The following TLE3 variants were observed in gnomAD, a reference collection of about 807,000 sequenced individuals.
TLE3 encodes transducin-like enhancer protein 3.
Under a neutral mutation model 93.0 loss-of-function variants are expected in TLE3, and 14 were observed. The ratio of observed to expected loss-of-function variants is 0.15; its 90% CI spans 0.10 to 0.24. The LOEUF (loss-of-function observed/expected upper bound fraction) is 0.24, where lower values mean the gene tolerates loss of function less well. TLE3 is among the 10% of genes least tolerant of loss of function. The pLI is 1.00. For missense variants in TLE3, 693 were observed against 1,046.6 expected, an observed-to-expected ratio of 0.66 and a Z score of 4.66; for synonymous variants, 451 against 425.0, an observed-to-expected ratio of 1.06 and a Z score of -0.75.
intron 6 of TLE3, among the ~76,000 whole-genome samples, chr15:70,068,432 G>A (rs577737129): frequency 2.6e-5 from 4 of 152,312 alleles, no homozygotes; most frequent in South Asian, 4.1e-4. Context: ...GTTTTAAAAT[G>A]AGTCTCCAGT....
chr15:70,058,616 G>A lies in TLE3; in HGVS notation c.918+47C>T. 1 of 1,532,944 alleles carries A rather than the reference G, an allele frequency of 6.5e-7. No homozygotes were observed. Among genetic ancestry groups the A allele is most frequent in the Non-Finnish European group, 8.8e-7 (1 of 1,139,560 alleles). The allele number at this position is 1,532,944 out of a possible 1,614,324, so 95.0% of individuals were successfully genotyped here. A position where few individuals can be genotyped will look rare whatever the true frequency, so the allele number is the denominator to read the frequency against. ...GCCAATCGGCACCACCCCAGCTCCA[G>A]TCCCTGCCGCTCCCTTCCCACTCCC... is the stretch of plus-strand genomic sequence containing the variant. On this transcript the variant is annotated intron_variant, in intron 11 of 19. Coordinates refer to ENST00000451782, the MANE Select transcript of TLE3 (RefSeq NM_001105192.3). The surrounding 1 kb of genome is among the most constrained non-coding windows in gnomAD (Gnocchi z 4.1).
Position 70,097,553 on chromosome 15 carries a change from G to A in TLE3, c.-755C>T, listed in dbSNP as rs1189286518. The A allele has an allele frequency of 5.0e-6, 2 of 399,640 alleles. No individual in the cohort carries two copies. The highest frequency in any genetic ancestry group is 2.1e-5 in the African/African-American group (1 of 48,626). The allele number at this position is 399,640 out of a possible 1,614,324, so 24.8% of individuals were successfully genotyped here. On this transcript the variant is annotated 5_prime_UTR_variant, in exon 1 of 20. Transcript: ENST00000451782. ...AACGCCCTGGCATCCTAAGTCCAGC[G>A]GGCACGGGAAGCCTCCGCAAAGGGT...
At chr15:70,062,930 TC>T (rs2056586367) in intron 8 of TLE3, among the ~76,000 whole-genome samples, 1 of 152,160 alleles carries the variant, frequency 6.6e-6, no homozygotes, top group Non-Finnish European at 1.5e-5. Context: ...TCTTGGGGGT[TC>T]CCAGGGGGGG....
rs571999304 is a variant in TLE3 at position 70,065,867 on chromosome 15, T to C, written c.577+147A>G. 7.0e-6 allele frequency: 6 copies of C among 855,998 alleles called. No individual in the cohort carries two copies. The South Asian group carries it at 1.0e-4, about 15-fold the overall frequency. 53.0% of individuals were successfully genotyped at this position (855,998 alleles called of 1,614,324 possible). ...GGGATGCGGATGGCATTGGCTTCCC[T>C]GCACCAGGTATCAACAGATGACTCC... On this transcript the variant is annotated intron_variant, in intron 7 of 19. Coordinates refer to ENST00000451782, the MANE Select transcript of TLE3 (RefSeq NM_001105192.3).
chr15:70,061,221 G>A (rs2056453809), intron 8 of TLE3, among the ~76,000 whole-genome samples: 1 of 152,122 alleles, frequency 6.6e-6, no homozygotes, highest in Admixed American at 6.5e-5. Flanking sequence ...CCTCCACGGT[G>A]AGGCTGTCAG....
rs577289858 is a variant in TLE3 at position 70,049,990 on chromosome 15, G to C, written c.*107C>G. The C allele has an allele frequency of 2.2e-6, 2 of 904,638 alleles. No homozygotes were observed. Among genetic ancestry groups the C allele is most frequent in the African/African-American group, 3.3e-5 (2 of 60,876 alleles). The allele number at this position is 904,638 out of a possible 1,614,324, so 56.0% of individuals were successfully genotyped here. On this transcript the variant is annotated 3_prime_UTR_variant, in exon 20 of 20. Transcript: ENST00000451782. ...GGAGCGCAGCCCTGAACGCTCGGCT[G>C]CCTGCGGCCCATCCTCCGCCATCCT...
intron 4 of TLE3, among the ~76,000 whole-genome samples, chr15:70,084,254 T>C (rs1298733873): frequency 1.3e-5 from 2 of 152,192 alleles, no homozygotes; most frequent in Non-Finnish European, 2.9e-5. Context: ...CAATAGTAAT[T>C]GTTTCCCCCA....
chr15:70,070,895 A>G (rs1434060013), intron 6 of TLE3, among the ~76,000 whole-genome samples: 1 of 152,142 alleles, frequency 6.6e-6, no homozygotes, highest in African/African-American at 2.4e-5. Context: ...GTATTTTGTG[A>G]CAAGCTACAA....
rs372285061 is a variant in TLE3, at chr15:70,080,988, G to A, written c.235-4830C>T. 2.0e-5 allele frequency among the ~76,000 whole-genome samples: 3 copies of A among 152,136 alleles called. No individual in the cohort carries two copies. In the East Asian group the frequency reaches 5.8e-4, roughly 29 times the overall value. The stretch of plus-strand genomic sequence containing the variant: ...CTAGTTAGTTTTAAACTGCCCTGTC[G>A]TGTGTACCTGTGGACTCTGAATGCA... On this transcript the variant is annotated intron_variant, in intron 4 of 19. Coordinates refer to ENST00000451782, the MANE Select transcript of TLE3 (RefSeq NM_001105192.3).
At chr15:70,078,613 C>T (rs998569112) in intron 4 of TLE3, among the ~76,000 whole-genome samples, 1 of 152,234 alleles carries the variant, frequency 6.6e-6, no homozygotes, top group Non-Finnish European at 1.5e-5. Flanking sequence ...GCATGGGCAG[C>T]ATCTGTGGGA....
rs1433604921 is a variant in TLE3 at position 70,097,597 on chromosome 15, G to A, written c.-799C>T. 1.0e-5 allele frequency: 4 copies of A among 398,398 alleles called. No homozygotes were observed. The highest frequency in any genetic ancestry group is 2.1e-5 in the African/African-American group (1 of 48,608). 24.7% of individuals were successfully genotyped at this position (398,398 alleles called of 1,614,324 possible). A position where few individuals can be genotyped will look rare whatever the true frequency, so the allele number is the denominator to read the frequency against. ...AAAGGGTTCTCGCTGCTCCCAGCTT[G>A]AGCACCGCGTCCCCACCGAGGAGCG... On this transcript the variant is annotated 5_prime_UTR_variant, in exon 1 of 20. Transcript: ENST00000451782.
At chr15:70,052,968 C>T in intron 17 of TLE3, 3 of 454,126 alleles carry the variant, frequency 6.6e-6, no homozygotes, top group South Asian at 3.6e-5. Flanking sequence ...AATGAGGACG[C>T]CGAGGACAAA....
intron 2 of TLE3, chr15:70,095,902 C>G (rs1338458548): frequency 1.6e-6 from 1 of 626,756 alleles, no homozygotes; most frequent in Admixed American, 3.1e-5. Flanking sequence ...GCTCCCGACA[C>G]CCAGAACCCG....
intron 17 of TLE3, chr15:70,052,887 G>A (rs1340427450): frequency 2.5e-5 from 8 of 315,850 alleles, no homozygotes; most frequent in South Asian, 8.6e-5. Flanking sequence ...TTATGGCTAC[G>A]CCTTTTAGAG....
At chr15:70,088,859 C>T (rs781138225) in intron 4 of TLE3, among the ~76,000 whole-genome samples, 5 of 152,196 alleles carry the variant, frequency 3.3e-5, no homozygotes, top group East Asian at 3.9e-4. Context: ...AGGCCACAAA[C>T]GGCCCAGAGC....
Position 70,058,207 on chromosome 15 carries a change from G to C in TLE3, c.1003C>G (p.Pro335Ala). The change falls in exon 12 of 20, where the codon CCA becomes GCA. Residue 335 changes from proline (P) to alanine (A), a missense_variant. Physicochemically the swap from Pro to Ala is conservative, Grantham distance 27. This residue lies in a region of TLE3 where 405 missense variants were observed against 468.9 expected (regional missense o/e 0.86). Transcript: ENST00000451782. This position sits in a 1 kb window ranked among gnomAD's most constrained non-coding sequence, Gnocchi z 4.1. ...TTACCCGGCATCGACCTGAGCCCTG[G>C]GGTCGTGCTGGTGCCTGGAGTTGGG... ...DAPTPGTSTT[P>A]GLRSMPGKPP... 6.2e-7 allele frequency: 1 copy of C among 1,613,938 alleles called. No individual in the cohort carries two copies. The highest frequency in any genetic ancestry group is 8.5e-7 in the Non-Finnish European group (1 of 1,179,868).
rs1397147384 is a variant in TLE3, at chr15:70,054,622, C to T, written c.1642G>A (p.Gly548Ser). ...CAGATGGTGAGCGTGCTGGCCTCGCCGCCCACGATGAGCGTGCGCCCATCA... is the reference window on the plus strand; with the variant it reads ...CAGATGGTGAGCGTGCTGGCCTCGCTGCCCACGATGAGCGTGCGCCCATCA... ...LPDGRTLIVG[G>S]EASTLTIWDL... The change falls in exon 16 of 20, where the codon GGC becomes AGC. Residue 548 changes from glycine (G) to serine (S), a missense_variant. By Grantham distance (56) the Gly-to-Ser change is moderately conservative. Coordinates refer to ENST00000451782, the MANE Select transcript of TLE3 (RefSeq NM_001105192.3). The T allele has an allele frequency of 1.2e-6, 2 of 1,611,836 alleles. No homozygotes were observed.
Position 70,055,154 on chromosome 15 carries a change from G to A in TLE3, c.1473C>T (p.Ile491=), listed in dbSNP as rs2055909469. ...TGTAGACGTGCCTCGTGGGGTTGCTGATGGTCACGGCACACACCACCTCCC... is the reference window on the plus strand; with the variant it reads ...TGTAGACGTGCCTCGTGGGGTTGCTAATGGTCACGGCACACACCACCTCCC... The part of the protein sequence containing the change: ...SHGEVVCAVT[I]SNPTRHVYTG... The change falls in exon 15 of 20, where the codon ATC becomes ATT. Residue 491 remains isoleucine, a synonymous_variant. Transcript: ENST00000451782. 1.2e-6 allele frequency: 2 copies of A among 1,614,108 alleles called. No homozygotes were observed. Among genetic ancestry groups the A allele is most frequent in the Non-Finnish European group, 1.7e-6 (2 of 1,180,002 alleles).
At chr15:70,062,178 T>A (rs1316992843) in intron 8 of TLE3, among the ~76,000 whole-genome samples, 4 of 152,198 alleles carry the variant, frequency 2.6e-5, no homozygotes, top group Non-Finnish European at 5.9e-5. Context: ...ATGGAGGTTA[T>A]AATGGAACTG....
Sources: gnomAD v4.1 joint callset for allele counts (sites outside exome capture counted in the v4.1 genomes callset) on GRCh38, gnomAD v4.1.1 for gene constraint, gnomAD v4.1.1 regional missense constraint, Gnocchi (gnomAD v3.1) non-coding constraint, MANE v1.5 for transcripts, NCBI Gene and HGNC (gene_info 2026-07-23, HGNC 2026-07-21) for gene names.